SAMMSON: variants seen among roughly 807,000 people sequenced by gnomAD.
The protein encoded by SAMMSON is long intergenic non-protein coding RNA 1212.
Position 70,315,342 on chromosome 3 carries a change from C to T in SAMMSON, n.739+24099C>T, listed in dbSNP as rs188889705. On this transcript the variant is annotated intron_variant and non_coding_transcript_variant, in intron 7 of 9. Coordinates refer to ENST00000642114, the Ensembl canonical transcript of SAMMSON. ...TTGTTCTTAAGAGAGTATAGCATTC[C>T]TCAAATTTTCTATATAGAATTTTCT... 1.1e-3 allele frequency among the ~76,000 whole-genome samples: 166 copies of T among 152,136 alleles called. 1 individual carries two copies. Among genetic ancestry groups the T allele is most frequent in the African/African-American group, 3.8e-3 (158 of 41,522 alleles).
intron 6 of SAMMSON, among the ~76,000 whole-genome samples, chr3:70,259,572 A>G (rs1294852094): frequency 5.3e-5 from 8 of 152,106 alleles, no homozygotes; most frequent in Non-Finnish European, 1.5e-5. Context: ...CCTCTGTGAA[A>G]TATTTTTAAT....
chr3:70,049,962 A>G (rs201113819), intron 3 of SAMMSON, among the ~76,000 whole-genome samples: 1 of 152,220 alleles, frequency 6.6e-6, no homozygotes, highest in East Asian at 1.9e-4. Context: ...ACATTTAAAT[A>G]TGAGTCACCT....
At chr3:70,363,675 C>G (rs1403305529) in intron 9 of SAMMSON, among the ~76,000 whole-genome samples, 1 of 151,958 alleles carries the variant, frequency 6.6e-6, no homozygotes, top group East Asian at 1.9e-4. Context: ...CAGTACTTTT[C>G]AAGAGTCATT....
At chr3:70,235,571 A>C (rs1046173514) in intron 4 of SAMMSON, among the ~76,000 whole-genome samples, 9 of 152,202 alleles carry the variant, frequency 5.9e-5, no homozygotes, top group African/African-American at 2.2e-4. Context: ...ATGGTCAGTC[A>C]GGCTCACGGC....
chr3:70,149,592 G>T (rs1559523555), intron 4 of SAMMSON, among the ~76,000 whole-genome samples: 1 of 152,084 alleles, frequency 6.6e-6, no homozygotes, highest in South Asian at 2.1e-4. Context: ...GCAAGCTAAG[G>T]TTTGGCTGAT....
chr3:70,234,849 CTCT>C (rs750938510), intron 4 of SAMMSON, among the ~76,000 whole-genome samples: 1 of 152,142 alleles, frequency 6.6e-6, no homozygotes, highest in Non-Finnish European at 1.5e-5. Context: ...GGAATGCCTC[CTCT>C]TCTTCTCACT....
intron 7 of SAMMSON, among the ~76,000 whole-genome samples, chr3:70,340,437 G>T (rs1424078916): frequency 1.3e-5 from 2 of 151,884 alleles, no homozygotes; most frequent in Non-Finnish European, 2.9e-5. Context: ...TGCTTGAAAT[G>T]TTGGCCTTTG....
At chr3:70,069,534 G>C (rs1316220384) in intron 3 of SAMMSON, 1 of 152,132 alleles carries the variant, frequency 6.6e-6, no homozygotes, top group Non-Finnish European at 1.5e-5. Flanking sequence ...ACAGGCAAGG[G>C]AACTGAAGCT....
chr3:70,083,307 T>G (rs775538590), intron 4 of SAMMSON, among the ~76,000 whole-genome samples: 2 of 152,164 alleles, frequency 1.3e-5, no homozygotes, highest in Non-Finnish European at 2.9e-5. Context: ...TACTCTGAAA[T>G]TTAAAGTTTA....
At chr3:70,010,768 G>A (rs560285235) in intron 1 of SAMMSON, among the ~76,000 whole-genome samples, 13 of 152,226 alleles carry the variant, frequency 8.5e-5, no homozygotes, top group African/African-American at 3.1e-4. Flanking sequence ...CGCATTGTCG[G>A]GGAGGCCTCA....
chr3:70,021,178 A>G (rs2067011814), intron 3 of SAMMSON, among the ~76,000 whole-genome samples: 1 of 152,130 alleles, frequency 6.6e-6, no homozygotes, highest in Non-Finnish European at 1.5e-5. Flanking sequence ...AGAAGGGAGG[A>G]TGTGAGACGT....
At chr3:70,189,000 G>A (rs909141157) in intron 4 of SAMMSON, among the ~76,000 whole-genome samples, 1 of 152,148 alleles carries the variant, frequency 6.6e-6, no homozygotes, top group Non-Finnish European at 1.5e-5. Context: ...AAAATCAGAA[G>A]AGAGGGTGCT....
At chr3:70,333,545 A>C (rs1418507747) in intron 7 of SAMMSON, among the ~76,000 whole-genome samples, 2 of 152,166 alleles carry the variant, frequency 1.3e-5, no homozygotes, top group Non-Finnish European at 2.9e-5. Context: ...GCAAGAAAAC[A>C]TAACCTTTTA....
At chr3:70,061,313 C>A (rs768030006) in intron 3 of SAMMSON, among the ~76,000 whole-genome samples, 2 of 152,142 alleles carry the variant, frequency 1.3e-5, no homozygotes, top group Non-Finnish European at 2.9e-5. Context: ...GTCTAGGGAC[C>A]ATGCTAACAT....
chr3:70,266,159 T>C (rs1701915631), intron 6 of SAMMSON, among the ~76,000 whole-genome samples: 3 of 152,230 alleles, frequency 2.0e-5, no homozygotes, highest in Admixed American at 2.0e-4. Context: ...TTAAGCAGAA[T>C]GTTGCTTTAT....
At chr3:70,143,527 T>C (rs1414197641) in intron 4 of SAMMSON, among the ~76,000 whole-genome samples, 2 of 152,152 alleles carry the variant, frequency 1.3e-5, no homozygotes, top group Non-Finnish European at 2.9e-5. Context: ...CTCTACCCTG[T>C]TCCTGGCTCC....
At chr3:70,125,125 A>C in intron 4 of SAMMSON, 7 of 1,496,482 alleles carry the variant, frequency 4.7e-6, no homozygotes, top group Non-Finnish European at 6.5e-6. Flanking sequence ...GAGCAAATTG[A>C]ACCACCATGG....
intron 3 of SAMMSON, among the ~76,000 whole-genome samples, chr3:70,022,746 G>A (rs2067020937): frequency 6.6e-6 from 1 of 152,156 alleles, no homozygotes. Flanking sequence ...CAAGTTTGGT[G>A]CACAGCTAAA....
intron 3 of SAMMSON, among the ~76,000 whole-genome samples, chr3:70,034,874 T>C (rs1158996733): frequency 6.6e-6 from 1 of 152,042 alleles, no homozygotes; most frequent in Non-Finnish European, 1.5e-5. Context: ...ACCCTTTTGT[T>C]CTATGGTGTT....
Sources: allele counts gnomAD v4.1 joint callset (sites outside exome capture counted in the v4.1 genomes callset), GRCh38; gene constraint gnomAD v4.1.1; transcripts MANE v1.5; gene names NCBI Gene and HGNC (gene_info 2026-07-23, HGNC 2026-07-21).